The following SLC7A14 variants were observed in gnomAD, a reference collection of about 807,000 sequenced individuals.
The protein encoded by SLC7A14 is gamma-aminobutyric acid transporter SLC7A14.
Under a neutral mutation model 60.2 loss-of-function variants are expected in SLC7A14, and 37 were observed. The observed-to-expected ratio is 0.61, with a 90% confidence interval of 0.47 to 0.81. The LOEUF (loss-of-function observed/expected upper bound fraction) is 0.81, where lower values mean the gene tolerates loss of function less well. Ranked by LOEUF, SLC7A14 falls within the 30% of genes least tolerant of loss-of-function variation. SLC7A14 has a pLI of 0.00. For missense variants in SLC7A14, 886 were observed against 982.7 expected, an observed-to-expected ratio of 0.90 and a Z score of 1.32; for synonymous variants, 399 against 395.8, an observed-to-expected ratio of 1.01 and a Z score of -0.10.
At chr3:170,468,323 G>T (rs1009791334) in intron 7 of SLC7A14, among the ~76,000 whole-genome samples, 12 of 151,554 alleles carry the variant, frequency 7.9e-5, no homozygotes, top group African/African-American at 2.9e-4. Context: ...TTTGAGACAG[G>T]GTCTCACTCT....
chr3:170,545,150 C>T (rs1371453372), intron 1 of SLC7A14, among the ~76,000 whole-genome samples: 1 of 152,174 alleles, frequency 6.6e-6, no homozygotes, highest in Non-Finnish European at 1.5e-5. Flanking sequence ...GAAACAACAC[C>T]AGAAAGGTGT....
At chr3:170,499,132 A>G (rs1405600905) in intron 3 of SLC7A14, among the ~76,000 whole-genome samples, 1 of 150,002 alleles carries the variant, frequency 6.7e-6, no homozygotes, top group Non-Finnish European at 1.5e-5. Context: ...AGCTACTCAC[A>G]AGGCTGAGGC....
intron 1 of SLC7A14, among the ~76,000 whole-genome samples, chr3:170,557,674 A>T (rs1714525143): frequency 6.6e-6 from 1 of 152,158 alleles, no homozygotes; most frequent in Non-Finnish European, 1.5e-5. Context: ...TGAGCTTTCC[A>T]CATCTCAGTT....
chr3:170,556,022 C>T (rs768322526), intron 1 of SLC7A14, among the ~76,000 whole-genome samples: 4 of 152,214 alleles, frequency 2.6e-5, no homozygotes, highest in Non-Finnish European at 5.9e-5. Flanking sequence ...GTTTCTTTAT[C>T]TCCCCTACTA....
In SLC7A14 at chr3:170,499,319, C is replaced by T. The variant is rs559599249; in HGVS notation, c.542-435G>A. ...CTCTGTGTGTGTGTGTGTGCACCTACACATGCCTATGCTATAGTCCACAAG... is the reference window on the plus strand; with the variant it reads ...CTCTGTGTGTGTGTGTGTGCACCTATACATGCCTATGCTATAGTCCACAAG... On this transcript the variant is annotated intron_variant, in intron 3 of 7. Transcript: ENST00000231706. 2.2e-3 allele frequency among the ~76,000 whole-genome samples: 311 copies of T among 144,470 alleles called. 1 individual carries two copies. In the Middle Eastern group the frequency reaches 0.038, roughly 18 times the overall value. The allele number at this position is 144,470 out of a possible 152,430, so 94.8% of individuals were successfully genotyped here.
chr3:170,473,442 C>T (rs1201583329), intron 7 of SLC7A14, among the ~76,000 whole-genome samples: 4 of 152,184 alleles, frequency 2.6e-5, no homozygotes, highest in South Asian at 2.1e-4. Flanking sequence ...TACTTAGAAC[C>T]GAGAGAGGTG....
chr3:170,531,980 G>A (rs529937447), intron 1 of SLC7A14, among the ~76,000 whole-genome samples: 1 of 152,270 alleles, frequency 6.6e-6, no homozygotes, highest in South Asian at 2.1e-4. Flanking sequence ...TATCGAATTA[G>A]GCTAGAGACT....
At chr3:170,478,192 C>G (rs1199170346) in intron 7 of SLC7A14, among the ~76,000 whole-genome samples, 1 of 152,118 alleles carries the variant, frequency 6.6e-6, no homozygotes, top group Non-Finnish European at 1.5e-5. Context: ...ATTTTCCTGT[C>G]TCATCCTCCC....
intron 1 of SLC7A14, among the ~76,000 whole-genome samples, chr3:170,533,385 C>T (rs1177106675): frequency 6.6e-6 from 1 of 152,158 alleles, no homozygotes; most frequent in Non-Finnish European, 1.5e-5. Context: ...CAGTTTTGCT[C>T]TCTGTATCTA....
chr3:170,524,926 CAAATT>C (rs1198392731), intron 2 of SLC7A14, among the ~76,000 whole-genome samples: 3 of 152,192 alleles, frequency 2.0e-5, no homozygotes, highest in Non-Finnish European at 2.9e-5. Flanking sequence ...TTTTCCTTAT[CAAATT>C]AAAGAGACGT....
chr3:170,501,083 A>G (rs762935801), intron 3 of SLC7A14, 26 bp downstream of exon 3: 3 of 1,607,278 alleles, frequency 1.9e-6, no homozygotes, highest in Non-Finnish European at 2.6e-6. Context: ...TTGCATGTTG[A>G]GGGTAGGAGG....
chr3:170,466,649 C>A lies in SLC7A14; in HGVS notation c.*406G>T, dbSNP rs181449128. On this transcript the variant is annotated 3_prime_UTR_variant, in exon 8 of 8. Coordinates refer to ENST00000231706, the MANE Select transcript of SLC7A14 (RefSeq NM_020949.3). Reference sequence around the variant, plus strand: ...CCCACCCTGACCTCGGGGAGCAGCACTCAGCCTGACATGCCAAGAACAGAG... The same window carrying A: ...CCCACCCTGACCTCGGGGAGCAGCAATCAGCCTGACATGCCAAGAACAGAG... 196 of 160,726 alleles carry A rather than the reference C, an allele frequency of 1.2e-3. 1 individual carries two copies. The highest frequency in any genetic ancestry group is 4.5e-3 in the African/African-American group (189 of 41,800). The allele number at this position is 160,726 out of a possible 1,614,324, so 10.0% of individuals were successfully genotyped here.
intron 1 of SLC7A14, among the ~76,000 whole-genome samples, chr3:170,530,731 C>G (rs112080550): frequency 0.017 from 2,629 of 152,246 alleles, 67 homozygotes; most frequent in African/African-American, 0.059. Context: ...CCTGCTGCAG[C>G]GGGGAGGCCG....
chr3:170,532,101 A>G lies in SLC7A14; in HGVS notation c.-152-5013T>C, dbSNP rs1013414730. Among the ~76,000 whole-genome samples, 1 of 152,214 alleles carries G rather than the reference A, an allele frequency of 6.6e-6. No homozygotes were observed. The highest frequency in any genetic ancestry group is 6.5e-5 in the Admixed American group (1 of 15,288). ...TGCTAAGGGACTACAAAAATCCCTC[A>G]TGACACACTCGATGAGTAGTTGTCC... On this transcript the variant is annotated intron_variant, in intron 1 of 7. Transcript: ENST00000231706. This position sits in a 1 kb window ranked among gnomAD's most constrained non-coding sequence, Gnocchi z 4.0.
chr3:170,523,757 T>C (rs1298856229), intron 2 of SLC7A14, among the ~76,000 whole-genome samples: 1 of 152,092 alleles, frequency 6.6e-6, no homozygotes, highest in Non-Finnish European at 1.5e-5. Context: ...AGTTTGATTA[T>C]TGTTGTATGG....
At chr3:170,523,621 G>A (rs1713404976) in intron 2 of SLC7A14, among the ~76,000 whole-genome samples, 1 of 152,152 alleles carries the variant, frequency 6.6e-6, no homozygotes, top group Admixed American at 6.5e-5. Flanking sequence ...TTGCAACTAA[G>A]CAGCAATTAT....
chr3:170,536,920 T>G (rs955625236), intron 1 of SLC7A14, among the ~76,000 whole-genome samples: 8 of 152,216 alleles, frequency 5.3e-5, no homozygotes, highest in African/African-American at 1.9e-4. Flanking sequence ...ATGTGTAATC[T>G]GAGCCCCCAG....
chr3:170,467,962 A>G (rs12633733), intron 7 of SLC7A14, among the ~76,000 whole-genome samples: 55,217 of 152,136 alleles, frequency 0.36, 11,536 homozygotes, highest in Non-Finnish European at 0.48. Context: ...AAGGCGTGAT[A>G]TATCATGGCC....
At chr3:170,508,795 T>A (rs1426858740) in intron 2 of SLC7A14, among the ~76,000 whole-genome samples, 1 of 152,182 alleles carries the variant, frequency 6.6e-6, no homozygotes, top group Non-Finnish European at 1.5e-5. Context: ...CCTGCCTAAA[T>A]GTAGATGGGG....
Sources: gnomAD v4.1 joint callset for allele counts (sites outside exome capture counted in the v4.1 genomes callset) on GRCh38, gnomAD v4.1.1 for gene constraint, Gnocchi (gnomAD v3.1) non-coding constraint, MANE v1.5 for transcripts, NCBI Gene and HGNC (gene_info 2026-07-23, HGNC 2026-07-21) for gene names.